IKZF1: variants seen among roughly 807,000 people sequenced by gnomAD.
The protein encoded by IKZF1 is DNA-binding protein Ikaros.
In IKZF1, 10 loss-of-function variants were observed where a neutral mutation model predicts 51.7. The observed-to-expected ratio is 0.19, with a 90% CI of 0.12 to 0.33. IKZF1 has a LOEUF of 0.33. IKZF1 is among the 10% of genes least tolerant of loss of function. IKZF1 has a pLI of 1.00. For missense variants in IKZF1, 484 were observed against 707.5 expected (o/e 0.68, Z 3.58); for synonymous variants, 280 against 282.3 (o/e 0.99, Z 0.08).
intron 1 of IKZF1, among the ~76,000 whole-genome samples, chr7:50,305,427 G>GTAA (rs2153311731): frequency 6.6e-6 from 1 of 152,286 alleles, no homozygotes; most frequent in South Asian, 2.1e-4. Flanking sequence ...AAAACCCTTA[G>GTAA]TAATATTAAG....
At chr7:50,350,271 C>G (rs1801506672) in intron 3 of IKZF1, among the ~76,000 whole-genome samples, 1 of 152,230 alleles carries the variant, frequency 6.6e-6, no homozygotes, top group Non-Finnish European at 1.5e-5. Context: ...TGCACATTCC[C>G]TCTTTGAGGT....
intron 1 of IKZF1, among the ~76,000 whole-genome samples, chr7:50,307,955 G>A (rs1261402641): frequency 1.3e-5 from 2 of 152,156 alleles, no homozygotes; most frequent in Non-Finnish European, 2.9e-5. Context: ...TCTTCATGTG[G>A]ACCATGGCTT....
In IKZF1 at chr7:50,336,566, C is replaced by T. The variant is rs946405286; in HGVS notation, c.160+8809C>T. 6.3e-3 allele frequency among the ~76,000 whole-genome samples: 963 copies of T among 152,164 alleles called. 10 individuals are homozygous for T. Among genetic ancestry groups the T allele is most frequent in the South Asian group, 0.017 (82 of 4,818 alleles). On this transcript the variant is annotated intron_variant, in intron 3 of 7. Transcript: ENST00000331340. ...AGCTCGCCCTTGGGACAGGCGGTGG[C>T]GAGAGGCCAGGAGGCCTTTGGTGCA...
chr7:50,320,430 G>T (rs886484726), intron 2 of IKZF1, among the ~76,000 whole-genome samples: 4 of 152,034 alleles, frequency 2.6e-5, no homozygotes, highest in African/African-American at 9.7e-5. Flanking sequence ...TCGTTTCTTT[G>T]TATTAGGAAC....
chr7:50,349,786 A>G (rs1304314334), intron 3 of IKZF1, among the ~76,000 whole-genome samples: 1 of 152,172 alleles, frequency 6.6e-6, no homozygotes, highest in Non-Finnish European at 1.5e-5. Flanking sequence ...TATAGGAAGT[A>G]CCATCCTAGT....
At chr7:50,326,496 C>T (rs1305226295) in intron 2 of IKZF1, among the ~76,000 whole-genome samples, 2 of 152,112 alleles carry the variant, frequency 1.3e-5, no homozygotes, top group African/African-American at 2.4e-5. Context: ...TTTGGAAGGG[C>T]GGAAACTATA....
chr7:50,313,535 T>C (rs559682359), intron 1 of IKZF1, among the ~76,000 whole-genome samples: 11 of 152,322 alleles, frequency 7.2e-5, no homozygotes, highest in African/African-American at 2.6e-4. Context: ...TTATCTGTCA[T>C]GCATTTGGAG....
intron 6 of IKZF1, among the ~76,000 whole-genome samples, chr7:50,391,293 C>A (rs541275396): frequency 3.9e-5 from 6 of 152,186 alleles, no homozygotes; most frequent in African/African-American, 1.4e-4. Context: ...TTTGTATCTC[C>A]GTTCACTGTG....
chr7:50,343,169 C>T (rs1262586204), intron 3 of IKZF1, among the ~76,000 whole-genome samples: 2 of 91,192 alleles, frequency 2.2e-5, no homozygotes, highest in African/African-American at 8.5e-5. Context: ...CTCCTTCCCT[C>T]CCCACCCTCC....
chr7:50,365,418 C>T (rs1179810887), intron 3 of IKZF1, among the ~76,000 whole-genome samples: 1 of 152,142 alleles, frequency 6.6e-6, no homozygotes, highest in Non-Finnish European at 1.5e-5. Flanking sequence ...CAAAAATCAA[C>T]AAGTAAATTT....
intron 3 of IKZF1, among the ~76,000 whole-genome samples, chr7:50,375,386 T>C (rs936595422): frequency 1.3e-5 from 2 of 152,060 alleles, no homozygotes; most frequent in Admixed American, 6.6e-5. Context: ...AAAAGAAACA[T>C]TTAGTCTTGA....
At chr7:50,389,662 C>T (rs1814474116) in intron 6 of IKZF1, among the ~76,000 whole-genome samples, 1 of 152,188 alleles carries the variant, frequency 6.6e-6, no homozygotes, top group Non-Finnish European at 1.5e-5. Flanking sequence ...GGTTTTTGCC[C>T]TTGCCAGCAC....
At chr7:50,322,673 C>T (rs901442238) in intron 2 of IKZF1, among the ~76,000 whole-genome samples, 3 of 152,098 alleles carry the variant, frequency 2.0e-5, no homozygotes, top group East Asian at 3.8e-4. Context: ...TCCAAAAATA[C>T]GTGTTATACC....
At chr7:50,311,090 G>A (rs539848205) in intron 1 of IKZF1, among the ~76,000 whole-genome samples, 26 of 152,228 alleles carry the variant, frequency 1.7e-4, no homozygotes, top group South Asian at 4.1e-4. Flanking sequence ...TGTGGGTGTC[G>A]TAAACAAAAC....
upstream of IKZF1, chr7:50,304,182 A>G (rs908734350): frequency 4.7e-5 from 7 of 149,166 alleles, no homozygotes; most frequent in African/African-American, 1.5e-4. Context: ...CGCGATTGCA[A>G]AGTTTTCGTG....
At chr7:50,370,532 C>G (rs893723769) in intron 3 of IKZF1, among the ~76,000 whole-genome samples, 1 of 152,162 alleles carries the variant, frequency 6.6e-6, no homozygotes, top group African/African-American at 2.4e-5. Context: ...CTGTTGGGTG[C>G]CAATAACATA....
chr7:50,363,600 G>A (rs774422886), intron 3 of IKZF1, among the ~76,000 whole-genome samples: 2 of 152,128 alleles, frequency 1.3e-5, no homozygotes, highest in Non-Finnish European at 2.9e-5. Flanking sequence ...TTCTAAGACC[G>A]GAGCAACAAT....
At chr7:50,371,490 TG>T (rs1808660256) in intron 3 of IKZF1, among the ~76,000 whole-genome samples, 2 of 152,300 alleles carry the variant, frequency 1.3e-5, no homozygotes, top group East Asian at 3.9e-4. Flanking sequence ...CCTCACTCCT[TG>T]AATGGGAGGC....
chr7:50,366,929 T>C (rs1807142450), intron 3 of IKZF1, among the ~76,000 whole-genome samples: 1 of 152,188 alleles, frequency 6.6e-6, no homozygotes, highest in Non-Finnish European at 1.5e-5. Context: ...ATGGGATTCA[T>C]AATATTGACT....
Sources: gnomAD v4.1 joint callset for allele counts (sites outside exome capture counted in the v4.1 genomes callset) on GRCh38, gnomAD v4.1.1 for gene constraint, MANE v1.5 for transcripts, NCBI Gene and HGNC (gene_info 2026-07-23, HGNC 2026-07-21) for gene names.